Variants in GIPC2 observed in about 807,000 individuals in gnomAD.
The protein encoded by GIPC2 is PDZ domain-containing protein GIPC2.
GIPC2 carries 30 observed loss-of-function variants against 30.6 expected under a neutral mutation model. The ratio of observed to expected loss-of-function variants is 0.98; its 90% confidence interval spans 0.73 to 1.33. GIPC2 has a LOEUF of 1.33. Among genes scored for constraint, GIPC2 ranks in the 40% most tolerant of loss-of-function variants. The pLI is 0.00. For synonymous variants in GIPC2, 167 were observed against 150.0 expected (o/e 1.11, Z -0.83); for missense variants, 414 against 390.3 (o/e 1.06, Z -0.51).
chr1:78,089,900 C>A (rs1367384498), intron 2 of GIPC2, among the ~76,000 whole-genome samples: 1 of 152,156 alleles, frequency 6.6e-6, no homozygotes, highest in Non-Finnish European at 1.5e-5. Flanking sequence ...CCATGTAGCA[C>A]AAAAACAGTT....
chr1:78,062,361 T>C (rs1661409921), intron 1 of GIPC2, among the ~76,000 whole-genome samples: 1 of 152,196 alleles, frequency 6.6e-6, no homozygotes, highest in African/African-American at 2.4e-5. Context: ...TGGTCATGAT[T>C]CCTGTTATTT....
intron 2 of GIPC2, among the ~76,000 whole-genome samples, chr1:78,086,992 T>G (rs186646338): frequency 6.6e-6 from 1 of 152,322 alleles, no homozygotes; most frequent in African/African-American, 2.4e-5. Flanking sequence ...TATTAGCTGG[T>G]TATTATGTTG....
At chr1:78,107,856 AAGAG>A (rs1662389791) in intron 3 of GIPC2, among the ~76,000 whole-genome samples, 1 of 147,966 alleles carries the variant, frequency 6.8e-6, no homozygotes, top group South Asian at 2.1e-4. Context: ...AAAAAAAAAA[AAGAG>A]CTAGCATTCT....
chr1:78,116,493 T>C (rs1402720515), intron 3 of GIPC2, among the ~76,000 whole-genome samples: 1 of 152,146 alleles, frequency 6.6e-6, no homozygotes, highest in Non-Finnish European at 1.5e-5. Context: ...CTCCTAATGC[T>C]ATCCCTCCCG....
At chr1:78,111,529 G>A (rs572419373) in intron 3 of GIPC2, among the ~76,000 whole-genome samples, 234 of 152,298 alleles carry the variant, frequency 1.5e-3, no homozygotes, top group Non-Finnish European at 2.7e-3. Flanking sequence ...TTTGCCCCTG[G>A]CCTTTCAAGT....
intron 1 of GIPC2, among the ~76,000 whole-genome samples, chr1:78,079,478 A>G (rs1025034739): frequency 2.6e-5 from 4 of 152,180 alleles, no homozygotes; most frequent in East Asian, 3.8e-4. Flanking sequence ...TTAAGGCTCA[A>G]TCAAGGTTCT....
chr1:78,081,165 A>C (rs1661821354), intron 2 of GIPC2, among the ~76,000 whole-genome samples: 1 of 150,174 alleles, frequency 6.7e-6, no homozygotes, highest in African/African-American at 2.5e-5. Context: ...TTAACATCTG[A>C]TGAATTTCTG....
intron 1 of GIPC2, among the ~76,000 whole-genome samples, chr1:78,056,342 G>A (rs1277741732): frequency 6.6e-6 from 1 of 152,150 alleles, no homozygotes; most frequent in Admixed American, 6.5e-5. Context: ...GCTGGGAATG[G>A]TGGTGTGAGC....
chr1:78,080,655 C>G lies in GIPC2; in HGVS notation c.241-20C>G, dbSNP rs758597697. 1 of 1,472,770 alleles carries G rather than the reference C, an allele frequency of 6.8e-7. No homozygotes were observed. The highest frequency in any genetic ancestry group is 1.9e-5 in the Admixed American group (1 of 52,820). 91.2% of individuals were successfully genotyped at this position (1,472,770 alleles called of 1,614,324 possible). On this transcript the variant is annotated intron_variant, in intron 1 of 5. Transcript: ENST00000370759. ...GTATTCCAAGTGGAAATGGACCTGA[C>G]ATTTTATTTTTCTTTGCAGATCTTA...
rs148259312 is a variant in GIPC2 at position 78,112,366 on chromosome 1, C to T, written c.608-7027C>T. 2.9e-3 allele frequency: 1,494 copies of T among 511,712 alleles called. 23 individuals are homozygous for T. Among genetic ancestry groups the T allele is most frequent in the African/African-American group, 0.027 (1,392 of 52,006 alleles). The allele number at this position is 511,712 out of a possible 1,614,324, so 31.7% of individuals were successfully genotyped here. A position where few individuals can be genotyped will look rare whatever the true frequency, so the allele number is the denominator to read the frequency against. The stretch of plus-strand genomic sequence containing the variant: ...TCCAAGGAAGTGTGATCCTGTTAGG[C>T]AACCTTGTTGACCTTCTCTGTGTCC... On this transcript the variant is annotated intron_variant, in intron 3 of 5. Coordinates refer to ENST00000370759, the MANE Select transcript of GIPC2 (RefSeq NM_017655.6).
intron 1 of GIPC2, among the ~76,000 whole-genome samples, chr1:78,067,528 T>G (rs934841931): frequency 2.6e-5 from 4 of 151,926 alleles, no homozygotes; most frequent in Non-Finnish European, 4.4e-5. Flanking sequence ...CTCAGCTCAA[T>G]GCAACCTCCG....
intron 4 of GIPC2, among the ~76,000 whole-genome samples, chr1:78,124,220 T>G (rs487316): frequency 0.24 from 37,072 of 152,068 alleles, 5,061 homozygotes; most frequent in East Asian, 0.66. Context: ...AAACCAAAAA[T>G]TTAAAATAAT....
In GIPC2 at chr1:78,137,988, C is replaced by T. The variant is rs1003894495; in HGVS notation, c.*2245C>T. 1 of 148,942 alleles carries T rather than the reference C, an allele frequency of 6.7e-6. No individual in the cohort carries two copies. Among genetic ancestry groups the T allele is most frequent in the African/African-American group, 2.5e-5 (1 of 40,406 alleles). 9.2% of individuals were successfully genotyped at this position (148,942 alleles called of 1,614,324 possible). ...GATGTTTTTAGGACCCTGTCCTTTT[C>T]ACTTTTCTGTAGGCTTTTTTTTTTT... is the stretch of plus-strand genomic sequence containing the variant. On this transcript the variant is annotated 3_prime_UTR_variant, in exon 6 of 6. Coordinates refer to ENST00000370759, the MANE Select transcript of GIPC2 (RefSeq NM_017655.6).
chr1:78,118,619 G>A (rs555554728), intron 3 of GIPC2, among the ~76,000 whole-genome samples: 1 of 152,310 alleles, frequency 6.6e-6, no homozygotes, highest in South Asian at 2.1e-4. Context: ...TGTCCTTGCT[G>A]TCTGCAGGGA....
chr1:78,081,511 A>C (rs1571494068), intron 2 of GIPC2, among the ~76,000 whole-genome samples: 1 of 152,166 alleles, frequency 6.6e-6, no homozygotes, highest in Non-Finnish European at 1.5e-5. Context: ...CAAATACTAC[A>C]CCATTTTATA....
intron 1 of GIPC2, among the ~76,000 whole-genome samples, chr1:78,055,111 G>T (rs924458501): frequency 3.9e-5 from 6 of 152,198 alleles, no homozygotes; most frequent in African/African-American, 1.4e-4. Flanking sequence ...AGATTGATGT[G>T]CCGGCCATGT....
At chr1:78,053,886 C>T (rs1661242143) in intron 1 of GIPC2, among the ~76,000 whole-genome samples, 1 of 151,528 alleles carries the variant, frequency 6.6e-6, no homozygotes, top group African/African-American at 2.4e-5. Context: ...TATGATTGTG[C>T]TGCTACACTC....
At chr1:78,089,357 G>T (rs537347826) in intron 2 of GIPC2, among the ~76,000 whole-genome samples, 2 of 152,206 alleles carry the variant, frequency 1.3e-5, no homozygotes, top group African/African-American at 4.8e-5. Flanking sequence ...TTATTTGGGG[G>T]TATAAATATA....
At chr1:78,090,092 A>G (rs1379277215) in intron 2 of GIPC2, among the ~76,000 whole-genome samples, 1 of 152,196 alleles carries the variant, frequency 6.6e-6, no homozygotes, top group African/African-American at 2.4e-5. Context: ...GTGGTGGCCC[A>G]TGGTGGAGGG....
Sources: gnomAD v4.1 joint callset for allele counts (sites outside exome capture counted in the v4.1 genomes callset) on GRCh38, gnomAD v4.1.1 for gene constraint, MANE v1.5 for transcripts, NCBI Gene and HGNC (gene_info 2026-07-23, HGNC 2026-07-21) for gene names.